Variants in UBE2N observed in about 807,000 individuals in gnomAD.
UBE2N encodes ubiquitin-conjugating enzyme E2 N.
For synonymous variants in UBE2N, 70 were observed against 69.2 expected (o/e 1.01, Z -0.06); for missense variants, 60 against 192.1 (o/e 0.31, Z 4.07).
chr12:93,412,037 G>A (rs187836511), intron 1 of UBE2N, among the ~76,000 whole-genome samples: 2 of 152,070 alleles, frequency 1.3e-5, no homozygotes, highest in Non-Finnish European at 2.9e-5. Flanking sequence ...TCTGAAAAAT[G>A]TAACGGACTA....
At chr12:93,423,770 G>A (rs115114679) in intron 1 of UBE2N, among the ~76,000 whole-genome samples, 289 of 152,176 alleles carry the variant, frequency 1.9e-3, no homozygotes, top group African/African-American at 6.2e-3. Flanking sequence ...GAATCTTATT[G>A]CTATATGCTT....
intron 1 of UBE2N, among the ~76,000 whole-genome samples, chr12:93,420,218 AG>A (rs1294988704): frequency 6.6e-6 from 1 of 152,196 alleles, no homozygotes; most frequent in Non-Finnish European, 1.5e-5. Context: ...ATGGGTTGAT[AG>A]GTAACAAATA....
At chr12:93,428,468 T>C (rs139849242) in intron 1 of UBE2N, among the ~76,000 whole-genome samples, 3 of 152,244 alleles carry the variant, frequency 2.0e-5, no homozygotes, top group Non-Finnish European at 2.9e-5. Flanking sequence ...TAAACCAACC[T>C]TGAGGGTTTT....
chr12:93,418,364 A>C (rs955465866), intron 1 of UBE2N, among the ~76,000 whole-genome samples: 6 of 151,730 alleles, frequency 4.0e-5, no homozygotes, highest in African/African-American at 1.5e-4. Flanking sequence ...CTTGTCTCTT[A>C]AAAACAAAAC....
chr12:93,410,123 AAT>A (rs1877991022), intron 3 of UBE2N, 44 bp from the exon 4 acceptor site: 5 of 1,581,086 alleles, frequency 3.2e-6, no homozygotes, highest in Non-Finnish European at 4.3e-6. Flanking sequence ...TACTTAGTTC[AAT>A]ATGTTACTTT....
chr12:93,419,638 A>G (rs561818697), intron 1 of UBE2N, among the ~76,000 whole-genome samples: 1 of 152,196 alleles, frequency 6.6e-6, no homozygotes, highest in Non-Finnish European at 1.5e-5. Flanking sequence ...GACATCATCT[A>G]CTTATTTCAC....
At chr12:93,411,632 AAACTC>A (rs963070357) in intron 1 of UBE2N, among the ~76,000 whole-genome samples, 4 of 114,420 alleles carry the variant, frequency 3.5e-5, no homozygotes, top group East Asian at 3.1e-4. Context: ...AACTTGCTCT[AAACTC>A]AACCAAAACC....
chr12:93,406,571 T>C lies in UBE2N; in HGVS notation c.*3468A>G, dbSNP rs185484229. On this transcript the variant is annotated 3_prime_UTR_variant, in exon 4 of 4. Coordinates refer to ENST00000318066, the MANE Select transcript of UBE2N (RefSeq NM_003348.4). Reference sequence around the variant, plus strand: ...TAGTTGGCCCTCCATATCCATGGGTTCCACTTCCGTGGATTCAAACAACCA... The same window carrying C: ...TAGTTGGCCCTCCATATCCATGGGTCCCACTTCCGTGGATTCAAACAACCA... The C allele has an allele frequency of 5.9e-5, 9 of 152,378 alleles. No individual in the cohort carries two copies. The highest frequency in any genetic ancestry group is 5.8e-4 in the East Asian group (3 of 5,184). The allele number at this position is 152,378 out of a possible 1,614,324, so 9.4% of individuals were successfully genotyped here.
rs145882764 is a variant in UBE2N at position 93,421,839 on chromosome 12, A to G, written c.31-10540T>C. ...GACTTTGAAATATAAATTTACTTAC[A>G]AATGTTTACTCATTGCTATTTTGTT... On this transcript the variant is annotated intron_variant, in intron 1 of 3. Transcript: ENST00000318066. 1.3e-3 allele frequency among the ~76,000 whole-genome samples: 204 copies of G among 152,330 alleles called. 2 individuals are homozygous for G. The highest frequency in any genetic ancestry group is 4.7e-3 in the African/African-American group (196 of 41,572).
intron 1 of UBE2N, among the ~76,000 whole-genome samples, chr12:93,437,849 G>C (rs537884184): frequency 2.8e-4 from 43 of 152,286 alleles, no homozygotes; most frequent in Admixed American, 7.2e-4. Context: ...GAATGCTGAA[G>C]GACAGATGAG....
chr12:93,411,368 A>G (rs1481636991), intron 1 of UBE2N, 69 bp from the exon 2 acceptor site: 80 of 1,532,072 alleles, frequency 5.2e-5, no homozygotes, highest in Non-Finnish European at 6.6e-5. Context: ...GTAAAATTAG[A>G]AAGTTCATCT....
chr12:93,430,111 T>C (rs998992652), intron 1 of UBE2N, among the ~76,000 whole-genome samples: 1 of 152,204 alleles, frequency 6.6e-6, no homozygotes, highest in Non-Finnish European at 1.5e-5. Context: ...AAGTGCCCTA[T>C]ACAGGTATAC....
In UBE2N at chr12:93,418,507, G is replaced by A. The variant is rs189724453; in HGVS notation, c.31-7208C>T. The stretch of plus-strand genomic sequence containing the variant: ...CATAACATTCTTAGAAACATATAAT[G>A]TCTCATTATAGTAAAACTGACTGCC... On this transcript the variant is annotated intron_variant, in intron 1 of 3. Transcript: ENST00000318066. 1.1e-4 allele frequency among the ~76,000 whole-genome samples: 17 copies of A among 151,894 alleles called. No homozygotes were observed. In the East Asian group the frequency reaches 1.3e-3, roughly 12 times the overall value.
rs558397756 is a variant in UBE2N, at chr12:93,406,915, G to T, written c.*3124C>A. 1 of 152,210 alleles carries T rather than the reference G, an allele frequency of 6.6e-6. No individual in the cohort carries two copies. Among genetic ancestry groups the T allele is most frequent in the African/African-American group, 2.4e-5 (1 of 41,442 alleles). 9.4% of individuals were successfully genotyped at this position (152,210 alleles called of 1,614,324 possible). On this transcript the variant is annotated 3_prime_UTR_variant, in exon 4 of 4. Transcript: ENST00000318066. ...CCTTTGAGAGGATGAAGGATAACTAGAGCAGAAGCAAATCGCAGCGAAGTA... is the reference window on the plus strand; with the variant it reads ...CCTTTGAGAGGATGAAGGATAACTATAGCAGAAGCAAATCGCAGCGAAGTA...
At chr12:93,410,700 G>A in intron 3 of UBE2N, 34 bp downstream of exon 3, 3 of 1,610,384 alleles carry the variant, frequency 1.9e-6, no homozygotes, top group Non-Finnish European at 1.7e-6. Flanking sequence ...TTGTAAAAGT[G>A]GAAGTGGTGT....
intron 1 of UBE2N, chr12:93,441,325 G>C (rs10459181): frequency 0.13 from 20,095 of 152,634 alleles, 1,664 homozygotes; most frequent in East Asian, 0.21. Flanking sequence ...CCACTTCCCG[G>C]GGCGCAGGGC....
chr12:93,433,857 CTTAAATCCAT>C (rs770541709), intron 1 of UBE2N, among the ~76,000 whole-genome samples: 34 of 152,284 alleles, frequency 2.2e-4, no homozygotes, highest in Non-Finnish European at 3.5e-4. Flanking sequence ...ATATTTTCTT[CTTAAATCCAT>C]TTACACAGGT....
chr12:93,416,618 G>A (rs906706096), intron 1 of UBE2N, among the ~76,000 whole-genome samples: 10 of 151,926 alleles, frequency 6.6e-5, no homozygotes, highest in African/African-American at 2.2e-4. Flanking sequence ...GGCAGGTCTC[G>A]AACTCCTGAC....
intron 1 of UBE2N, among the ~76,000 whole-genome samples, chr12:93,416,584 G>C (rs1386940050): frequency 6.6e-6 from 1 of 151,992 alleles, no homozygotes. Context: ...TTTTAGCAGA[G>C]ACAGGGTTTC....
Sources: gnomAD v4.1 joint callset for allele counts (sites outside exome capture counted in the v4.1 genomes callset) on GRCh38, gnomAD v4.1.1 for gene constraint, MANE v1.5 for transcripts, NCBI Gene and HGNC (gene_info 2026-07-23, HGNC 2026-07-21) for gene names.